The following GLIS3 variants were observed in gnomAD, a reference collection of about 807,000 sequenced individuals.
GLIS3 encodes the protein GLIS family zinc finger 3.
Under a neutral mutation model 78.6 loss-of-function variants are expected in GLIS3, and 53 were observed. The observed-to-expected ratio is 0.67, with a 90% CI of 0.54 to 0.85. GLIS3 has a LOEUF of 0.85. Among genes scored for constraint, GLIS3 ranks in the 40% least tolerant of loss-of-function variants. GLIS3 has a pLI of 0.00. For synonymous variants in GLIS3, 684 were observed against 509.9 expected, an observed-to-expected ratio of 1.34 and a Z score of -4.60; for missense variants, 1,703 against 1,231.1, an observed-to-expected ratio of 1.38 and a Z score of -5.74.
chr9:4,102,918 G>C (rs1245348909), intron 4 of GLIS3, among the ~76,000 whole-genome samples: 1 of 151,636 alleles, frequency 6.6e-6, no homozygotes, highest in South Asian at 2.1e-4. Context: ...AAAAGACAGA[G>C]GAATAAGTAG....
At chr9:4,352,689 G>A (rs997230648), upstream of GLIS3, among the ~76,000 whole-genome samples, 1 of 152,240 alleles carries the variant, frequency 6.6e-6, no homozygotes, top group African/African-American at 2.4e-5. Context: ...GGCCTGAAGG[G>A]CTATGTGTGG....
chr9:3,883,751 G>A (rs1821890419), intron 7 of GLIS3, among the ~76,000 whole-genome samples: 1 of 152,200 alleles, frequency 6.6e-6, no homozygotes, highest in Non-Finnish European at 1.5e-5. Context: ...GCTTCTAAGT[G>A]AACTTCCAGA....
At chr9:4,405,423 GATC>G in the GLIS3 span, among the ~76,000 whole-genome samples, 1,215 of 151,772 alleles carry the variant, frequency 8.0e-3, 15 homozygotes, top group African/African-American at 0.028. Flanking sequence ...AAATTCAAAT[GATC>G]ATTAGTGGCT....
chr9:4,476,764 G>A, the GLIS3 span, among the ~76,000 whole-genome samples: 1 of 151,784 alleles, frequency 6.6e-6, no homozygotes. Flanking sequence ...ATGTTTTTAA[G>A]AACCAAGATT....
chr9:4,143,872 C>G (rs1220510992), intron 2 of GLIS3, among the ~76,000 whole-genome samples: 2 of 152,200 alleles, frequency 1.3e-5, no homozygotes, highest in Non-Finnish European at 2.9e-5. Context: ...GCACACTGAA[C>G]TATCTATGGC....
At chr9:4,475,902 T>C in the GLIS3 span, among the ~76,000 whole-genome samples, 15 of 152,078 alleles carry the variant, frequency 9.9e-5, no homozygotes, top group Admixed American at 2.0e-4. Flanking sequence ...TGTGCCAGTT[T>C]CTTGTTTGTC....
At chr9:4,382,952 C>T in the GLIS3 span, among the ~76,000 whole-genome samples, 4 of 152,188 alleles carry the variant, frequency 2.6e-5, no homozygotes, top group African/African-American at 4.8e-5. Flanking sequence ...AAAATTTGAC[C>T]TTACCTGGAT....
Position 3,829,379 on chromosome 9 carries a change from G to A in GLIS3, c.2587C>T (p.Pro863Ser). 1 of 1,614,076 alleles carries A rather than the reference G, an allele frequency of 6.2e-7. No individual in the cohort carries two copies. Among genetic ancestry groups the A allele is most frequent in the South Asian group, 1.1e-5 (1 of 91,072 alleles). ...AAACTGGCCTGGCCCATGGATGTAG[G>A]GACTAGGCAGTCCTCAAACGAAGGC... is the stretch of plus-strand genomic sequence containing the variant. ...VVPSFEDCLV[P>S]TSMGQASFDV... Residue 863 changes from proline (P) to serine (S), a missense_variant, in exon 10 of 11, where the codon CCT (proline) becomes TCT (serine). Pro to Ser is a moderately conservative substitution (Grantham distance 74). Transcript: ENST00000381971.
At chr9:3,832,213 A>G (rs10973713) in intron 9 of GLIS3, among the ~76,000 whole-genome samples, 17,938 of 149,348 alleles carry the variant, frequency 0.12, 1,129 homozygotes, top group East Asian at 0.17. Context: ...TATATAATAT[A>G]TAATTTAATA....
Position 3,863,347 on chromosome 9 carries a change from T to A in GLIS3, c.2298-7163A>T, listed in dbSNP as rs547233117. 2.6e-5 allele frequency among the ~76,000 whole-genome samples: 4 copies of A among 152,212 alleles called. No homozygotes were observed. In the South Asian group the frequency reaches 8.3e-4, roughly 32 times the overall value. On this transcript the variant is annotated intron_variant, in intron 8 of 10. Transcript: ENST00000381971. ...TTACTGGGGGAACTGCAAATTGAATTCGGCTTCTGAGACAATCAAGACCAG... is the reference window on the plus strand; with the variant it reads ...TTACTGGGGGAACTGCAAATTGAATACGGCTTCTGAGACAATCAAGACCAG...
intron 2 of GLIS3, among the ~76,000 whole-genome samples, chr9:4,273,381 G>T (rs976775949): frequency 5.3e-5 from 8 of 152,000 alleles, no homozygotes; most frequent in Non-Finnish European, 7.4e-5. Context: ...GGTCACTTAA[G>T]CCCAGGAATT....
intron 4 of GLIS3, among the ~76,000 whole-genome samples, chr9:4,008,670 C>T (rs780227159): frequency 5.3e-5 from 8 of 152,090 alleles, no homozygotes; most frequent in Non-Finnish European, 1.2e-4. Flanking sequence ...AGTACATGCC[C>T]CATGTGCTTG....
chr9:3,899,283 T>A (rs4741866), intron 6 of GLIS3, among the ~76,000 whole-genome samples: 139,220 of 152,210 alleles, frequency 0.91, 64,111 homozygotes, highest in East Asian at 1. Context: ...AGATTTTCCA[T>A]GAAAGGAAAA....
chr9:4,394,312 T>C, the GLIS3 span, among the ~76,000 whole-genome samples: 1 of 151,584 alleles, frequency 6.6e-6, no homozygotes, highest in East Asian at 1.9e-4. Flanking sequence ...TTAAATAATT[T>C]AAAAATTATT....
intron 3 of GLIS3, chr9:4,123,862 T>G: frequency 2.5e-6 from 1 of 398,172 alleles, no homozygotes; most frequent in Non-Finnish European, 4.4e-6. Flanking sequence ...GAATAAGAAT[T>G]ACATCTTCAG....
intron 2 of GLIS3, among the ~76,000 whole-genome samples, chr9:4,251,897 G>C (rs944764495): frequency 6.6e-6 from 1 of 152,164 alleles, no homozygotes; most frequent in Non-Finnish European, 1.5e-5. Context: ...ATTCTGGGTT[G>C]AAAATTCTTT....
intron 1 of GLIS3, among the ~76,000 whole-genome samples, chr9:4,347,347 C>T (rs1364621471): frequency 6.6e-6 from 1 of 152,108 alleles, no homozygotes; most frequent in Non-Finnish European, 1.5e-5. Context: ...CTAAACACCT[C>T]TCATTAGGCT....
chr9:3,844,201 C>T (rs916698019), intron 9 of GLIS3, among the ~76,000 whole-genome samples: 10 of 152,186 alleles, frequency 6.6e-5, no homozygotes, highest in Non-Finnish European at 1.3e-4. Context: ...AGAGTGGCCT[C>T]GCTACCAGCA....
chr9:4,392,100 A>G, the GLIS3 span, among the ~76,000 whole-genome samples: 1 of 152,188 alleles, frequency 6.6e-6, no homozygotes, highest in Non-Finnish European at 1.5e-5. Context: ...CTTTGCAGGG[A>G]CATGGATGAA....
Sources: allele counts gnomAD v4.1 joint callset (sites outside exome capture counted in the v4.1 genomes callset), GRCh38; gene constraint gnomAD v4.1.1; transcripts MANE v1.5; gene names NCBI Gene and HGNC (gene_info 2026-07-23, HGNC 2026-07-21).